PI4K2A: variants seen among roughly 807,000 people sequenced by gnomAD.
PI4K2A encodes phosphatidylinositol 4-kinase type 2-alpha.
In PI4K2A, 20 loss-of-function variants were observed where a neutral mutation model predicts 55.0. The observed-to-expected ratio is 0.36, with a 90% confidence interval of 0.26 to 0.53. The LOEUF (loss-of-function observed/expected upper bound fraction) is 0.53, where lower values mean the gene tolerates loss of function less well. PI4K2A is among the 20% of genes least tolerant of loss of function. The probability of loss-of-function intolerance (pLI) is 0.91; values close to 1 mark genes in which losing one functional copy is unlikely to be tolerated. For missense variants in PI4K2A, 463 were observed against 637.1 expected, an observed-to-expected ratio of 0.73 and a Z score of 2.94; for synonymous variants, 235 against 258.5, an observed-to-expected ratio of 0.91 and a Z score of 0.87.
exon 1 of PI4K2A, chr10:97,640,988 GGCTCTGGCC>G: frequency 1.3e-6 from 2 of 1,537,338 alleles, no homozygotes; most frequent in Non-Finnish European, 1.7e-6. Context: ...CGCAGGCCCA[GGCTCTGGCC>G]GCTCAGGCCG....
At chr10:97,660,103 G>A (rs1253751651) in intron 4 of PI4K2A, among the ~76,000 whole-genome samples, 18 of 148,384 alleles carry the variant, frequency 1.2e-4, no homozygotes, top group African/African-American at 4.0e-4. Flanking sequence ...CCGGGTTCAC[G>A]CCATTCTCCT....
At chr10:97,642,880 T>C (rs191114654) in intron 1 of PI4K2A, among the ~76,000 whole-genome samples, 8,174 of 115,160 alleles carry the variant, frequency 0.071, 719 homozygotes, top group African/African-American at 0.088. Flanking sequence ...TTTCTTTCTT[T>C]CTTTCTTCCT....
intron 4 of PI4K2A, among the ~76,000 whole-genome samples, chr10:97,661,760 A>G (rs2041585388): frequency 6.6e-6 from 1 of 151,928 alleles, no homozygotes; most frequent in African/African-American, 2.4e-5. Context: ...GCCCTATAGA[A>G]GTTCCACATT....
intron 2 of PI4K2A, among the ~76,000 whole-genome samples, chr10:97,655,262 T>C (rs2041547320): frequency 6.7e-6 from 1 of 148,226 alleles, no homozygotes; most frequent in Non-Finnish European, 1.5e-5. Context: ...CCCAGCTACT[T>C]GGGAGGCTGA....
intron 2 of PI4K2A, among the ~76,000 whole-genome samples, chr10:97,652,273 A>C (rs1213248280): frequency 6.6e-6 from 1 of 152,000 alleles, no homozygotes; most frequent in Non-Finnish European, 1.5e-5. Context: ...CTCTAGATTA[A>C]AATCCCTCTG....
chr10:97,673,271 G>A (rs1326551916), intron 8 of PI4K2A, among the ~76,000 whole-genome samples: 1 of 152,178 alleles, frequency 6.6e-6, no homozygotes. Context: ...GATTACAGGC[G>A]TGAGCCAGCG....
At chr10:97,641,225 G>T (rs768725659) in intron 1 of PI4K2A, 48 bp downstream of exon 1, 2 of 1,436,996 alleles carry the variant, frequency 1.4e-6, no homozygotes, top group Non-Finnish European at 1.9e-6. Context: ...GGCCGGCGGC[G>T]CTCCTGGGGA....
At chr10:97,655,160 A>G (rs11189311) in intron 2 of PI4K2A, among the ~76,000 whole-genome samples, 25,621 of 151,968 alleles carry the variant, frequency 0.17, 2,361 homozygotes, top group Non-Finnish European at 0.21. Context: ...ACCTGAGGTC[A>G]GGAGATCAAG....
At chr10:97,657,400 G>A (rs77913962) in intron 4 of PI4K2A, among the ~76,000 whole-genome samples, 4,006 of 152,226 alleles carry the variant, frequency 0.026, 164 homozygotes, top group East Asian at 0.15. Flanking sequence ...GGATGTGGTG[G>A]CTCATGCGTG....
intron 5 of PI4K2A, among the ~76,000 whole-genome samples, chr10:97,664,482 A>G (rs2135759816): frequency 6.6e-6 from 1 of 152,366 alleles, no homozygotes; most frequent in African/African-American, 2.4e-5. Flanking sequence ...GTGAAGTAAC[A>G]TCTGAGTCAA....
exon 9 of PI4K2A, chr10:97,674,049 A>G (rs1407067150): frequency 6.5e-6 from 2 of 307,658 alleles, no homozygotes; most frequent in Non-Finnish European, 1.2e-5. Context: ...CTTCCCTGAA[A>G]CCCTGCTCTA....
chr10:97,669,313 A>G (rs2041624822), intron 8 of PI4K2A, among the ~76,000 whole-genome samples: 2 of 152,238 alleles, frequency 1.3e-5, no homozygotes, highest in South Asian at 2.1e-4. Context: ...CTCAGATGTT[A>G]TGGAACTCAG....
chr10:97,646,913 T>A (rs2041507831), intron 1 of PI4K2A, among the ~76,000 whole-genome samples: 1 of 151,990 alleles, frequency 6.6e-6, no homozygotes, highest in African/African-American at 2.4e-5. Context: ...TAGCTGGTAC[T>A]ACAGGTGCAT....
In PI4K2A at chr10:97,673,570, T is replaced by C. The variant is rs934086441; in HGVS notation, c.1279-11T>C. ...GCCTCTCCCTCACCCATCTCCTTTTTCCCACTGCAGATCTTAAATCTGACC... is the reference window on the plus strand; with the variant it reads ...GCCTCTCCCTCACCCATCTCCTTTTCCCCACTGCAGATCTTAAATCTGACC... On this transcript the variant is annotated splice_polypyrimidine_tract_variant and intron_variant, in intron 8 of 8. Transcript: ENST00000370631. 14 of 1,613,764 alleles carry C rather than the reference T, an allele frequency of 8.7e-6. No homozygotes were observed. The highest frequency in any genetic ancestry group is 1.2e-5 in the Non-Finnish European group (14 of 1,179,734).
chr10:97,674,553 GC>G lies in PI4K2A; in HGVS notation c.*813del, dbSNP rs2041652159. 3 of 152,334 alleles carry G rather than the reference GC, an allele frequency of 2.0e-5. No homozygotes were observed. The South Asian group carries it at 6.2e-4, about 32-fold the overall frequency. 9.4% of individuals were successfully genotyped at this position (152,334 alleles called of 1,614,324 possible). A position where few individuals can be genotyped will look rare whatever the true frequency, so the allele number is the denominator to read the frequency against. Reference sequence around the variant, plus strand: ...CCAGCATGTAAAAGTGATCCACGCAGCCGGAGTGTATGCCGGGAGCTAAGTG... The same window carrying G: ...CCAGCATGTAAAAGTGATCCACGCAGCGGAGTGTATGCCGGGAGCTAAGTG... On this transcript the variant is annotated 3_prime_UTR_variant, in exon 9 of 9. Coordinates refer to ENST00000370631, the Ensembl canonical transcript of PI4K2A.
At chr10:97,642,865 T>TTCTTTCTC (rs1554878117) in intron 1 of PI4K2A, among the ~76,000 whole-genome samples, 2 of 53,696 alleles carry the variant, frequency 3.7e-5, no homozygotes, top group Non-Finnish European at 8.0e-5. Context: ...CTTTCTTTCT[T>TTCTTTCTC]TTTCTTTCTT....
At chr10:97,670,836 T>C (rs1359020756) in intron 8 of PI4K2A, among the ~76,000 whole-genome samples, 1 of 152,030 alleles carries the variant, frequency 6.6e-6, no homozygotes, top group Non-Finnish European at 1.5e-5. Context: ...CTTCAACATC[T>C]AGTGTTTTAA....
chr10:97,643,394 T>C (rs950153899), intron 1 of PI4K2A, among the ~76,000 whole-genome samples: 4 of 151,928 alleles, frequency 2.6e-5, no homozygotes, highest in African/African-American at 9.7e-5. Flanking sequence ...TGTTTTTCTT[T>C]CATGACACTG....
intron 1 of PI4K2A, among the ~76,000 whole-genome samples, chr10:97,647,758 A>G (rs2041512321): frequency 6.8e-6 from 1 of 148,038 alleles, no homozygotes; most frequent in Admixed American, 6.8e-5. Flanking sequence ...GTATTCTTTA[A>G]TAAAACCCCT....
Sources: gnomAD v4.1 joint callset for allele counts (sites outside exome capture counted in the v4.1 genomes callset) on GRCh38, gnomAD v4.1.1 for gene constraint, MANE v1.5 for transcripts, NCBI Gene and HGNC (gene_info 2026-07-23, HGNC 2026-07-21) for gene names.